Variants in NUMA1 observed in about 807,000 individuals in gnomAD.
NUMA1 encodes the protein SP-H antigen.
NUMA1 carries 62 observed loss-of-function variants against 237.1 expected under a neutral mutation model. That is an observed-to-expected ratio of 0.26 (90% CI 0.21 to 0.32). The LOEUF (loss-of-function observed/expected upper bound fraction) is 0.32. Among genes scored for constraint, NUMA1 ranks in the 10% least tolerant of loss-of-function variants. The pLI, the probability that NUMA1 is intolerant of heterozygous loss-of-function variation, is 1.00. For missense variants in NUMA1, 2,533 were observed against 2,666.5 expected (o/e 0.95, Z 1.10); for synonymous variants, 1,028 against 1,066.1 (o/e 0.96, Z 0.70).
chr11:72,067,317 TC>T (rs1211002272), intron 2 of NUMA1: 1 of 152,198 alleles, frequency 6.6e-6, no homozygotes, highest in African/African-American at 2.4e-5. Context: ...TCTAAATGAA[TC>T]CCACTGTACC....
intron 17 of NUMA1, among the ~76,000 whole-genome samples, chr11:72,010,524 C>CT (rs1201820029): frequency 6.6e-6 from 1 of 152,210 alleles, no homozygotes; most frequent in Non-Finnish European, 1.5e-5. Flanking sequence ...ACTGGATTTA[C>CT]TTTAATAAAT....
rs139087745 is a variant in NUMA1, at chr11:72,013,381, C to T, written c.4122G>A (p.Gln1374=). ...KHLCQQLQAE[Q]AAAEKRHREE... is the part of the protein sequence containing the mutation. ...CACGGTGGCGTTTCTCGGCAGCGGC[C>T]TGCTCGGCCTGCAGCTGCTGGCAGA... Residue 1374 remains glutamine (Q), a synonymous_variant, in exon 15 of 27, where the codon CAG becomes CAA. Transcript: ENST00000393695. The surrounding 1 kb of genome is among the most constrained non-coding windows in gnomAD (Gnocchi z 6.8). The T allele has an allele frequency of 6.2e-7, 1 of 1,611,568 alleles. No homozygotes were observed. The highest frequency in any genetic ancestry group is 8.5e-7 in the Non-Finnish European group (1 of 1,179,864).
At chr11:72,017,504 A>AC (rs1938015139) in intron 13 of NUMA1, 183 bp downstream of exon 13, 1 of 706,488 alleles carries the variant, frequency 1.4e-6, no homozygotes, top group Admixed American at 2.4e-5. Flanking sequence ...GGGGAAAAAA[A>AC]AAATAAGTTA....
Position 72,014,427 on chromosome 11 carries a change from C to T in NUMA1, c.3076G>A (p.Ala1026Thr). 1.2e-6 allele frequency: 2 copies of T among 1,607,840 alleles called. No homozygotes were observed. The highest frequency in any genetic ancestry group is 8.5e-7 in the Non-Finnish European group (1 of 1,179,998). Residue 1026 changes from alanine (A) to threonine (T), a missense_variant, in exon 15 of 27, where the codon GCC becomes ACC. By Grantham distance (58) the Ala-to-Thr change is moderately conservative (BLOSUM62 0). Around this residue, in one of 3 missense-constraint regions of NUMA1, gnomAD observed 1,414 missense variants for 1,508.1 expected, o/e 0.94. Coordinates refer to ENST00000393695, the MANE Select transcript of NUMA1 (RefSeq NM_006185.4). This position sits in a 1 kb window ranked among gnomAD's most constrained non-coding sequence, Gnocchi z 4.6. ...AGCCGCATCTCAAGCTCTGCTCTGG[C>T]CGCCTTCTCCAGGGCAAGGTCAGCC... ...AQADLALEKA[A>T]RAELEMRLQN...
chr11:72,023,249 G>C, intron 5 of NUMA1, 102 bp from the exon 6 acceptor site: 1 of 850,272 alleles, frequency 1.2e-6, no homozygotes, highest in East Asian at 2.4e-5. Flanking sequence ...ATCTCTGGTG[G>C]GGCTATGAGA....
rs755153128 is a variant in NUMA1, at chr11:72,024,264, A to C, written c.208+10T>G. The C allele has an allele frequency of 2.5e-6, 4 of 1,613,554 alleles. No homozygotes were observed. Among genetic ancestry groups the C allele is most frequent in the Non-Finnish European group, 3.4e-6 (4 of 1,179,458 alleles). Reference sequence around the variant, plus strand: ...CAGCTTCTTCATAGCTGGATAAGAAAGGTGCTTACTCTGCAGAAAACTGCA... The same window carrying C: ...CAGCTTCTTCATAGCTGGATAAGAACGGTGCTTACTCTGCAGAAAACTGCA... On this transcript the variant is annotated intron_variant, in intron 5 of 26. Coordinates refer to ENST00000393695, the MANE Select transcript of NUMA1 (RefSeq NM_006185.4).
Position 72,017,788 on chromosome 11 carries a change from C to T in NUMA1, c.1018G>A (p.Ala340Thr). ...FASHLQQLQD[A>T]LNELTEEHSK... ...TGCTCCTCCGTCAGCTCATTGAGGG[C>T]ATCCTGTAGCTGCTGCAGATGACTG... is the stretch of plus-strand genomic sequence containing the variant. Residue 340 changes from alanine (A) to threonine (T), a missense_variant, in exon 13 of 27, where the codon GCC becomes ACC. This residue lies in a region of NUMA1 where 1,414 missense variants were observed against 1,508.1 expected (regional missense o/e 0.94). Coordinates refer to ENST00000393695, the MANE Select transcript of NUMA1 (RefSeq NM_006185.4). 6.2e-7 allele frequency: 1 copy of T among 1,610,396 alleles called. No homozygotes were observed. Among genetic ancestry groups the T allele is most frequent in the Non-Finnish European group, 8.5e-7 (1 of 1,177,716 alleles).
chr11:72,030,477 C>T (rs1037620019), intron 3 of NUMA1, among the ~76,000 whole-genome samples: 7 of 152,170 alleles, frequency 4.6e-5, no homozygotes, highest in African/African-American at 1.7e-4. Flanking sequence ...GATAGGCATA[C>T]ATTTAAATCA....
rs1388624325 is a variant in NUMA1 at position 72,004,336 on chromosome 11, C to T, written c.6012G>A (p.Lys2004=). ...GGCGTGGGAAACAGCTGGTGGCCTT[C>T]TTAGACTATGGAGAAGAGGACAGTT... ...PHQGPGTPES[K]KATSCFPRPM... The change falls in exon 25 of 27, where the codon AAG becomes AAA. Residue 2004 remains lysine (K), a synonymous_variant. Coordinates refer to ENST00000393695, the MANE Select transcript of NUMA1 (RefSeq NM_006185.4). The T allele has an allele frequency of 2.5e-6, 4 of 1,612,444 alleles. No homozygotes were observed. Among genetic ancestry groups the T allele is most frequent in the Non-Finnish European group, 3.4e-6 (4 of 1,179,530 alleles).
In NUMA1 at chr11:72,007,239, G is replaced by T; in HGVS notation, c.5413C>A (p.Arg1805Ser). The T allele has an allele frequency of 6.2e-7, 1 of 1,612,984 alleles. No homozygotes were observed. The change falls in exon 21 of 27, where the codon CGC becomes AGC. Residue 1805 changes from arginine to serine, a missense_variant. Around this residue, in one of 3 missense-constraint regions of NUMA1, gnomAD observed 795 missense variants for 750.8 expected, o/e 1.06. Transcript: ENST00000393695. ...DVFLDSGRKT[R>S]SARRRTTQII... ...TGCGTGGTGCGCCGACGAGCGGAGC[G>T]GGTCTTACGACCCGAGTCCAGGAAG...
Position 72,014,182 on chromosome 11 carries a change from G to A in NUMA1, c.3321C>T (p.Ala1107=). 1 of 1,613,830 alleles carries A rather than the reference G, an allele frequency of 6.2e-7. No homozygotes were observed. Residue 1107 remains alanine, a synonymous_variant, in exon 15 of 27, where the codon GCC becomes GCT. Coordinates refer to ENST00000393695, the MANE Select transcript of NUMA1 (RefSeq NM_006185.4). This position sits in a 1 kb window ranked among gnomAD's most constrained non-coding sequence, Gnocchi z 4.6. ...CTGTCCTGCCAGCAGCCTCAGATTG[G>A]GCTCCTGAGCCAGATGCGTGCTCCT... ...KEKEHASGSG[A]QSEAAGRTEP... is the part of the protein sequence containing the mutation.
intron 7 of NUMA1, 67 bp downstream of exon 7, chr11:72,022,272 A>C (rs1938959158): frequency 1.2e-5 from 12 of 1,040,208 alleles, no homozygotes; most frequent in Non-Finnish European, 1.7e-5. Flanking sequence ...TGTTCAAAGA[A>C]AAACAAGTCA....
chr11:72,062,962 G>A (rs749819063), intron 2 of NUMA1, among the ~76,000 whole-genome samples: 15 of 152,050 alleles, frequency 9.9e-5, no homozygotes, highest in Admixed American at 4.6e-4. Context: ...CTAGCTACTC[G>A]GGAGGCTGAG....
chr11:72,022,516 ACT>A, intron 6 of NUMA1, 97 bp from the exon 7 acceptor site: 1 of 733,076 alleles, frequency 1.4e-6, no homozygotes, highest in Non-Finnish European at 2.3e-6. Context: ...TATTCCGGTG[ACT>A]CTTCTAAAAG....
At chr11:72,057,550 C>T (rs1942722048) in intron 2 of NUMA1, among the ~76,000 whole-genome samples, 1 of 151,650 alleles carries the variant, frequency 6.6e-6, no homozygotes, top group Non-Finnish European at 1.5e-5. Context: ...TCCAGACCAG[C>T]CTGGCCAACA....
chr11:72,026,545 A>G (rs1250557925), intron 4 of NUMA1, among the ~76,000 whole-genome samples: 1 of 152,268 alleles, frequency 6.6e-6, no homozygotes, highest in African/African-American at 2.4e-5. Flanking sequence ...GCACAGAAGA[A>G]CCAAAAGGGA....
intron 2 of NUMA1, among the ~76,000 whole-genome samples, chr11:72,045,717 C>A (rs1270412013): frequency 6.6e-6 from 1 of 152,114 alleles, no homozygotes; most frequent in Non-Finnish European, 1.5e-5. Flanking sequence ...TGGGCTCAAG[C>A]GATCTGCCTG....
At position 72,006,126 on chromosome 11, in the gene NUMA1, G is replaced by C; in HGVS notation, c.5601C>G (p.Asn1867Lys). 1 of 1,614,174 alleles carries C rather than the reference G, an allele frequency of 6.2e-7. No homozygotes were observed. The highest frequency in any genetic ancestry group is 8.5e-7 in the Non-Finnish European group (1 of 1,180,040). ...AGCCAGGCAAGCTGAGCAGGGCTGA[G>C]TTGCCATAATCGGGAGAACCCAGGC... is the stretch of plus-strand genomic sequence containing the variant. Reference protein sequence around the residue: ...LARLGSPDYGNSALLSLPGYR... With the variant: ...LARLGSPDYGKSALLSLPGYR... The change falls in exon 22 of 27, where the codon AAC (asparagine) becomes AAG (lysine). Residue 1867 changes from asparagine to lysine, a missense_variant. Around this residue, in one of 3 missense-constraint regions of NUMA1, gnomAD observed 795 missense variants for 750.8 expected, o/e 1.06. Coordinates refer to ENST00000393695, the MANE Select transcript of NUMA1 (RefSeq NM_006185.4).
rs1731215127 is a variant in NUMA1, at chr11:72,013,201, T to C, written c.4302A>G (p.Ala1434=). The C allele has an allele frequency of 1.2e-6, 2 of 1,611,704 alleles. No individual in the cohort carries two copies. The highest frequency in any genetic ancestry group is 1.1e-5 in the South Asian group (1 of 91,090). ...QQLRAEKASY[A]EQLSMLKKAH... ...CCTTCTTCAGCATGCTCAGCTGCTC[T>C]GCATAGCTGGCCTTCTCTGCCCGCA... Residue 1434 remains alanine (A), a synonymous_variant, in exon 15 of 27, where the codon GCA becomes GCG. Transcript: ENST00000393695. The surrounding 1 kb of genome is among the most constrained non-coding windows in gnomAD (Gnocchi z 6.8).
Sources: allele counts gnomAD v4.1 joint callset (sites outside exome capture counted in the v4.1 genomes callset), GRCh38; gene constraint gnomAD v4.1.1; regional missense constraint gnomAD v4.1.1; non-coding constraint Gnocchi (gnomAD v3.1); transcripts MANE v1.5; gene names NCBI Gene and HGNC (gene_info 2026-07-23, HGNC 2026-07-21).